Variants in RIMBP2 observed in about 807,000 individuals in gnomAD.
RIMBP2 encodes the protein RIMS binding protein 2, also known as RIMS-binding protein 2.
Under a neutral mutation model 118.6 loss-of-function variants are expected in RIMBP2, and 48 were observed. The observed-to-expected ratio is 0.40, with a 90% CI of 0.32 to 0.51. The LOEUF (loss-of-function observed/expected upper bound fraction) is 0.51, where lower values mean the gene tolerates loss of function less well. RIMBP2 is among the 20% of genes least tolerant of loss of function. RIMBP2 has a pLI of 0.41. For synonymous variants in RIMBP2, 762 were observed against 742.9 expected, an observed-to-expected ratio of 1.03 and a Z score of -0.42; for missense variants, 1,551 against 1,768.3, an observed-to-expected ratio of 0.88 and a Z score of 2.20.
intron 4 of RIMBP2, among the ~76,000 whole-genome samples, chr12:130,488,987 C>A (rs2048376020): frequency 1.3e-5 from 2 of 152,128 alleles, no homozygotes; most frequent in East Asian, 1.9e-4. Context: ...CTGGAAAGTT[C>A]CAGAGAGCTG....
At chr12:130,501,964 C>CTCA (rs2138697770) in intron 4 of RIMBP2, among the ~76,000 whole-genome samples, 1 of 152,382 alleles carries the variant, frequency 6.6e-6, no homozygotes, top group Non-Finnish European at 1.5e-5. Context: ...ACCAGGCAGA[C>CTCA]TCTGAGCCTT....
At chr12:130,553,948 T>C (rs764290932) in intron 2 of RIMBP2, among the ~76,000 whole-genome samples, 78 of 152,190 alleles carry the variant, frequency 5.1e-4, no homozygotes, top group Non-Finnish European at 3.5e-4. Context: ...ACTCTAGATT[T>C]ATGGGATCAC....
At chr12:130,610,899 A>G (rs1363565422) in intron 2 of RIMBP2, among the ~76,000 whole-genome samples, 1 of 152,112 alleles carries the variant, frequency 6.6e-6, no homozygotes, top group Non-Finnish European at 1.5e-5. Flanking sequence ...CCCCCCAGTA[A>G]CACCTGCAAT....
chr12:130,488,507 G>A (rs755146944), intron 4 of RIMBP2, among the ~76,000 whole-genome samples: 7 of 152,194 alleles, frequency 4.6e-5, no homozygotes, highest in African/African-American at 9.6e-5. Context: ...ACAAACACAC[G>A]GACATGCTAA....
chr12:130,588,018 C>T (rs1349838791), intron 2 of RIMBP2, among the ~76,000 whole-genome samples: 3 of 151,950 alleles, frequency 2.0e-5, no homozygotes, highest in South Asian at 2.1e-4. Context: ...CCGGGGTCCT[C>T]GCCTCCCTCA....
chr12:130,677,526 A>G (rs1409399884), intron 1 of RIMBP2, among the ~76,000 whole-genome samples: 1 of 151,928 alleles, frequency 6.6e-6, no homozygotes, highest in East Asian at 1.9e-4. Flanking sequence ...TACTCAGGAG[A>G]CTGAGGCAGG....
At chr12:130,473,414 G>GGCAGGA (rs1284588760) in intron 5 of RIMBP2, among the ~76,000 whole-genome samples, 2 of 152,228 alleles carry the variant, frequency 1.3e-5, no homozygotes, top group African/African-American at 4.8e-5. Flanking sequence ...CAGGCCCTGC[G>GGCAGGA]GCAGGAGCAG....
chr12:130,624,065 G>A (rs777626418), intron 2 of RIMBP2, among the ~76,000 whole-genome samples: 1 of 152,214 alleles, frequency 6.6e-6, no homozygotes, highest in African/African-American at 2.4e-5. Flanking sequence ...AGCCCAGGCT[G>A]AGACACTCAG....
intron 2 of RIMBP2, among the ~76,000 whole-genome samples, chr12:130,569,834 A>G (rs1162142119): frequency 6.6e-6 from 1 of 152,162 alleles, no homozygotes; most frequent in Non-Finnish European, 1.5e-5. Context: ...TTTATAAACT[A>G]CCCAGTCTCA....
At chr12:130,497,228 C>T (rs1244301915) in intron 4 of RIMBP2, among the ~76,000 whole-genome samples, 2 of 152,172 alleles carry the variant, frequency 1.3e-5, no homozygotes, top group African/African-American at 4.8e-5. Context: ...AATTAGGCCC[C>T]GCGCCCCAGT....
intron 2 of RIMBP2, among the ~76,000 whole-genome samples, chr12:130,532,803 G>A (rs960767845): frequency 2.0e-5 from 3 of 150,460 alleles, no homozygotes; most frequent in South Asian, 2.1e-4. Flanking sequence ...AATGAGATGC[G>A]TGTGTGTAGC....
chr12:130,692,095 T>C lies in RIMBP2; in HGVS notation c.-352+24127A>G, dbSNP rs2065333546. Among the ~76,000 whole-genome samples the C allele has an allele frequency of 2.0e-5, 3 of 152,212 alleles. No individual in the cohort carries two copies. The South Asian group carries it at 6.2e-4, about 32-fold the overall frequency. On this transcript the variant is annotated intron_variant, in intron 1 of 22. Transcript: ENST00000690449. ...TTGGAGAGGGCGTCTGCAGAGCTGG[T>C]GTGCAGCTGAACTTGCTGGGAAGGG...
chr12:130,681,032 AT>A (rs1156808801), intron 1 of RIMBP2, among the ~76,000 whole-genome samples: 1 of 152,236 alleles, frequency 6.6e-6, no homozygotes, highest in African/African-American at 2.4e-5. Flanking sequence ...ATAATTAATA[AT>A]TGGTATCAGG....
intron 17 of RIMBP2, among the ~76,000 whole-genome samples, chr12:130,415,019 T>C (rs2136531049): frequency 6.6e-6 from 1 of 152,178 alleles, no homozygotes; most frequent in East Asian, 1.9e-4. Context: ...TTCCAAAAAA[T>C]TGAGGAGAAA....
chr12:130,407,779 C>T lies in RIMBP2; in HGVS notation c.3640G>A (p.Val1214Met). 6.2e-7 allele frequency: 1 copy of T among 1,614,170 alleles called. No individual in the cohort carries two copies. Reference protein sequence around the residue: ...RRHSVSTRRMVALYDYDPRES... With the variant: ...RRHSVSTRRMMALYDYDPRES... ...CTGGGGTCGTAGTCATACAGGGCCA[C>T]CATTCTCCGCGTCGATACCGAATGA... Residue 1214 changes from valine (V) to methionine (M), a missense_variant, in exon 20 of 23, where the codon GTG (valine) becomes ATG (methionine). Coordinates refer to ENST00000690449, the MANE Select transcript of RIMBP2 (RefSeq NM_001393629.1).
Position 130,424,062 on chromosome 12 carries a change from A to T in RIMBP2, c.3129+80T>A. 1 of 765,868 alleles carries T rather than the reference A, an allele frequency of 1.3e-6. No individual in the cohort carries two copies. Among genetic ancestry groups the T allele is most frequent in the Non-Finnish European group, 1.8e-6 (1 of 562,150 alleles). 47.4% of individuals were successfully genotyped at this position (765,868 alleles called of 1,614,324 possible). On this transcript the variant is annotated intron_variant, in intron 16 of 22. Coordinates refer to ENST00000690449, the MANE Select transcript of RIMBP2 (RefSeq NM_001393629.1). This position sits in a 1 kb window ranked among gnomAD's most constrained non-coding sequence, Gnocchi z 9.8. The stretch of plus-strand genomic sequence containing the variant: ...AAGAGAGTCCCCAGGGATGGACACC[A>T]GAACAAACAGAAAACCAGTGAAAGG...
chr12:130,583,057 C>T (rs1264103356), intron 2 of RIMBP2, among the ~76,000 whole-genome samples: 1 of 152,168 alleles, frequency 6.6e-6, no homozygotes, highest in African/African-American at 2.4e-5. Flanking sequence ...TACAATACAG[C>T]TGGGGGATTA....
chr12:130,472,235 G>C (rs538328894), intron 5 of RIMBP2: 2 of 152,370 alleles, frequency 1.3e-5, no homozygotes, highest in East Asian at 1.9e-4. Flanking sequence ...TCCTGTTTGG[G>C]TTTTCTGTCG....
chr12:130,430,463 C>G (rs1360947958), intron 14 of RIMBP2: 1 of 152,118 alleles, frequency 6.6e-6, no homozygotes, highest in African/African-American at 2.4e-5. Flanking sequence ...GGCAAACCAC[C>G]TTTTCTCTCG....
Sources: gnomAD v4.1 joint callset for allele counts (sites outside exome capture counted in the v4.1 genomes callset) on GRCh38, gnomAD v4.1.1 for gene constraint, Gnocchi (gnomAD v3.1) non-coding constraint, MANE v1.5 for transcripts, NCBI Gene and HGNC (gene_info 2026-07-23, HGNC 2026-07-21) for gene names.